The following HBP1 variants were observed in gnomAD, a reference collection of about 807,000 sequenced individuals.
HBP1 encodes HMG-box transcription factor 1, also known as HMG box-containing protein 1.
Under a neutral mutation model 62.6 loss-of-function variants are expected in HBP1, and 20 were observed. The ratio of observed to expected loss-of-function variants is 0.32; its 90% CI spans 0.22 to 0.46. The LOEUF (loss-of-function observed/expected upper bound fraction) is 0.46. Ranked by LOEUF, HBP1 falls within the 20% of genes least tolerant of loss-of-function variation. The pLI, the probability that HBP1 is intolerant of heterozygous loss-of-function variation, is 1.00. For missense variants in HBP1, 480 were observed against 611.8 expected (o/e 0.78, Z 2.27); for synonymous variants, 232 against 206.2 (o/e 1.12, Z -1.07).
chr7:107,171,073 A>ATATTTTTTT lies in HBP1; in HGVS notation c.-16+1889_-16+1890insATTTTTTTT. Among the ~76,000 whole-genome samples, 281 of 87,198 alleles carry ATATTTTTTT rather than the reference A, an allele frequency of 3.2e-3. 38 individuals carry two copies. Among genetic ancestry groups the ATATTTTTTT allele is most frequent in the African/African-American group, 0.017 (254 of 15,120 alleles). The allele number at this position is 87,198 out of a possible 152,430, so 57.2% of individuals were successfully genotyped here. On this transcript the variant is annotated intron_variant, in intron 1 of 10. Coordinates refer to ENST00000222574, the MANE Select transcript of HBP1 (RefSeq NM_012257.4). The stretch of plus-strand genomic sequence containing the variant: ...TATATATATATATATATATATATAT[A>ATATTTTTTT]TTTTTTTTTTTTTTTGAGAGGGAGT...
chr7:107,169,735 G>C, intron 1 of HBP1: 1 of 985,408 alleles, frequency 1.0e-6, no homozygotes, highest in Non-Finnish European at 1.2e-6. Flanking sequence ...GAATGAATGG[G>C]CTCCCAGGCG....
At chr7:107,198,279 G>A (rs1194384531) in intron 9 of HBP1, among the ~76,000 whole-genome samples, 1 of 150,820 alleles carries the variant, frequency 6.6e-6, no homozygotes, top group Non-Finnish European at 1.5e-5. Context: ...GTGTGATCTC[G>A]GCTCATTGCA....
At chr7:107,196,399 G>C in intron 9 of HBP1, 1 of 453,128 alleles carries the variant, frequency 2.2e-6, no homozygotes, top group Non-Finnish European at 4.1e-6. Flanking sequence ...CTCTCAAGTA[G>C]CTGAGACTAC....
chr7:107,197,738 G>A (rs1355434339), intron 9 of HBP1, among the ~76,000 whole-genome samples: 1 of 152,136 alleles, frequency 6.6e-6, no homozygotes, highest in Non-Finnish European at 1.5e-5. Flanking sequence ...GTGACTTTTG[G>A]CAATTAATCT....
chr7:107,173,965 T>C (rs531572289), intron 1 of HBP1, among the ~76,000 whole-genome samples: 1 of 152,312 alleles, frequency 6.6e-6, no homozygotes, highest in African/African-American at 2.4e-5. Flanking sequence ...GAGTATGTAA[T>C]TGGTATAATA....
rs886061867 is a variant in HBP1 at position 107,202,032 on chromosome 7, A to G, written c.*601A>G. ...AGCCACCTGCTGCAGTTACCATGGC[A>G]TGCTGAGTTGATGCACCAGGTGGCA... is the stretch of plus-strand genomic sequence containing the variant. On this transcript the variant is annotated 3_prime_UTR_variant, in exon 11 of 11. Coordinates refer to ENST00000222574, the MANE Select transcript of HBP1 (RefSeq NM_012257.4). 6.5e-6 allele frequency: 1 copy of G among 152,690 alleles called. No individual in the cohort carries two copies. Among genetic ancestry groups the G allele is most frequent in the Non-Finnish European group, 1.5e-5 (1 of 68,070 alleles). 9.5% of individuals were successfully genotyped at this position (152,690 alleles called of 1,614,324 possible). A position where few individuals can be genotyped will look rare whatever the true frequency, so the allele number is the denominator to read the frequency against.
chr7:107,195,764 T>A lies in HBP1; in HGVS notation c.1068-70T>A, dbSNP rs1797869576. 7.0e-6 allele frequency: 5 copies of A among 711,618 alleles called. No individual in the cohort carries two copies. In the South Asian group the frequency reaches 1.7e-4, roughly 25 times the overall value. The allele number at this position is 711,618 out of a possible 1,614,324, so 44.1% of individuals were successfully genotyped here. On this transcript the variant is annotated intron_variant, in intron 8 of 10. Coordinates refer to ENST00000222574, the MANE Select transcript of HBP1 (RefSeq NM_012257.4). ...TCAGATGTTTTCTTTTTTTTTTTTT[T>A]AACCTGCTTTTTAGAAATCAGAGAA...
Position 107,199,036 on chromosome 7 carries a change from A to C in HBP1, c.1386-1124A>C, listed in dbSNP as rs184944751. 6.3e-3 allele frequency among the ~76,000 whole-genome samples: 956 copies of C among 152,256 alleles called. 6 individuals carry two copies. Among genetic ancestry groups the C allele is most frequent in the South Asian group, 0.014 (68 of 4,824 alleles). Reference sequence around the variant, plus strand: ...TATGGTACCTGTAACCCAAGACTAAAAGTTTTTTTTTTAATGGGTTCTGCA... The same window carrying C: ...TATGGTACCTGTAACCCAAGACTAACAGTTTTTTTTTTAATGGGTTCTGCA... On this transcript the variant is annotated intron_variant, in intron 9 of 10. Transcript: ENST00000222574.
chr7:107,178,092 G>A (rs905004482), intron 1 of HBP1, among the ~76,000 whole-genome samples: 5 of 152,104 alleles, frequency 3.3e-5, no homozygotes, highest in Non-Finnish European at 7.4e-5. Flanking sequence ...ACTTTTAACA[G>A]CAATATATTT....
chr7:107,202,302 CA>C lies in HBP1; in HGVS notation c.*873del, dbSNP rs1798390947. 2 of 152,576 alleles carry C rather than the reference CA, an allele frequency of 1.3e-5. No individual in the cohort carries two copies. The highest frequency in any genetic ancestry group is 2.9e-5 in the Non-Finnish European group (2 of 68,026). The allele number at this position is 152,576 out of a possible 1,614,324, so 9.5% of individuals were successfully genotyped here. A position where few individuals can be genotyped will look rare whatever the true frequency, so the allele number is the denominator to read the frequency against. ...CAACACTTGCACTTTAATTTTCCTCCAACTGTCTAAAATTAGAGCAAATACA... is the reference window on the plus strand; with the variant it reads ...CAACACTTGCACTTTAATTTTCCTCCACTGTCTAAAATTAGAGCAAATACA... On this transcript the variant is annotated 3_prime_UTR_variant, in exon 11 of 11. Coordinates refer to ENST00000222574, the MANE Select transcript of HBP1 (RefSeq NM_012257.4).
rs1797024969 is a variant in HBP1, at chr7:107,179,781, A to C, written c.-15-98A>C. 7 of 764,868 alleles carry C rather than the reference A, an allele frequency of 9.2e-6. No individual in the cohort carries two copies. The East Asian group carries it at 1.6e-4, about 17-fold the overall frequency. 47.4% of individuals were successfully genotyped at this position (764,868 alleles called of 1,614,324 possible). A position where few individuals can be genotyped will look rare whatever the true frequency, so the allele number is the denominator to read the frequency against. On this transcript the variant is annotated intron_variant, in intron 1 of 10. Coordinates refer to ENST00000222574, the MANE Select transcript of HBP1 (RefSeq NM_012257.4). ...AGTGTGACTATGTCTCAAAAAAAAAACAAAACAACATTGTCATGTCTCTGA... is the reference window on the plus strand; with the variant it reads ...AGTGTGACTATGTCTCAAAAAAAAACCAAAACAACATTGTCATGTCTCTGA...
intron 2 of HBP1, among the ~76,000 whole-genome samples, chr7:107,180,346 C>T (rs1305760920): frequency 5.3e-5 from 8 of 152,318 alleles, no homozygotes; most frequent in Admixed American, 3.9e-4. Context: ...AAAGATGCTA[C>T]TTTTGAAATA....
chr7:107,193,533 A>G (rs557643447), intron 8 of HBP1, among the ~76,000 whole-genome samples: 152 of 152,156 alleles, frequency 1.0e-3, no homozygotes, highest in Non-Finnish European at 1.7e-3. Flanking sequence ...CATAGCATAG[A>G]TTTATTTTAC....
chr7:107,186,156 CTTTTTTTTTCTTTTTT>C (rs1412006194), intron 4 of HBP1, among the ~76,000 whole-genome samples, 189 bp from the exon 5 acceptor site: 1 of 127,274 alleles, frequency 7.9e-6, no homozygotes, highest in African/African-American at 2.9e-5. Context: ...TCTTTTTTTT[CTTTTTTTTTCTTTTTT>C]TTTTTTTTTT....
intron 3 of HBP1, among the ~76,000 whole-genome samples, chr7:107,185,544 A>C (rs77379259): frequency 0.02 from 3,022 of 152,304 alleles, 106 homozygotes; most frequent in African/African-American, 0.067. Context: ...GAATGGGATA[A>C]ATAAATGAAA....
At chr7:107,181,935 C>T (rs1797125816) in intron 2 of HBP1, among the ~76,000 whole-genome samples, 1 of 151,770 alleles carries the variant, frequency 6.6e-6, no homozygotes. Context: ...TAAATATTAA[C>T]AAGTTCAGAA....
At chr7:107,187,037 G>T (rs2115905427) in intron 6 of HBP1, among the ~76,000 whole-genome samples, 1 of 152,156 alleles carries the variant, frequency 6.6e-6, no homozygotes, top group East Asian at 1.9e-4. Context: ...TGGATCACGA[G>T]GTCAGGAGAT....
At chr7:107,190,384 G>A in intron 8 of HBP1, 67 bp downstream of exon 8, 1 of 1,044,954 alleles carries the variant, frequency 9.6e-7, no homozygotes. Flanking sequence ...CCTAATGATG[G>A]TTAAGTCAGA....
Position 107,200,247 on chromosome 7 carries a change from T to C in HBP1, c.1473T>C (p.Ala491=), listed in dbSNP as rs113938562. The C allele has an allele frequency of 2.9e-4, 467 of 1,613,378 alleles. No individual in the cohort carries two copies. The African/African-American group carries it at 5.6e-3, about 19-fold the overall frequency. ...RMYTLEAKAL[A]EEQKRLNPDC... ...ACACATTAGAAGCAAAGGCTTTGGC[T>C]GAAGAACAGAAACGTTTAAATCCTG... The change falls in exon 10 of 11, where the codon GCT becomes GCC. Residue 491 remains alanine, a synonymous_variant. Transcript: ENST00000222574.
Sources: gnomAD v4.1 joint callset for allele counts (sites outside exome capture counted in the v4.1 genomes callset) on GRCh38, gnomAD v4.1.1 for gene constraint, MANE v1.5 for transcripts, NCBI Gene and HGNC (gene_info 2026-07-23, HGNC 2026-07-21) for gene names.